The following DAG1 variants were observed in gnomAD, a reference collection of about 807,000 sequenced individuals.
DAG1 encodes dystroglycan 1 (dystrophin-associated glycoprotein 1).
In DAG1, 8 loss-of-function variants were observed where a neutral mutation model predicts 46.1. That is an observed-to-expected ratio of 0.17 (90% CI 0.10 to 0.31). The LOEUF is 0.31. DAG1 is among the 10% of genes least tolerant of loss of function. The pLI, the probability that DAG1 is intolerant of heterozygous loss-of-function variation, is 1.00. For synonymous variants in DAG1, 495 were observed against 481.8 expected (o/e 1.03, Z -0.36); for missense variants, 1,003 against 1,189.9 (o/e 0.84, Z 2.31).
chr3:49,513,767 T>G lies in DAG1; in HGVS notation c.285+2948T>G, dbSNP rs866534792. Among the ~76,000 whole-genome samples, 111 of 152,342 alleles carry G rather than the reference T, an allele frequency of 7.3e-4. 1 individual carries two copies. Among genetic ancestry groups the G allele is most frequent in the Middle Eastern group, 3.4e-3 (1 of 294 alleles). ...GTTTGCAGAGTGTTTGCATAAAGTT[T>G]CCTTGTCATCTTTGTAATATCCCAG... On this transcript the variant is annotated intron_variant, in intron 2 of 2. Coordinates refer to ENST00000308775, the MANE Select transcript of DAG1 (RefSeq NM_004393.6).
Position 49,532,311 on chromosome 3 carries a change from A to C in DAG1, c.1800A>C (p.Gln600His), listed in dbSNP as rs755173858. ...AGATCCACGTCCACAGGCGCCCCCA[A>C]GGGGATAGGGCTCCTGCAAGGTTCA... is the stretch of plus-strand genomic sequence containing the variant. The part of the protein sequence containing the change: ...AFEIHVHRRP[Q>H]GDRAPARFKA... The change falls in exon 3 of 3, where the codon CAA becomes CAC. Residue 600 changes from glutamine to histidine, a missense_variant. Transcript: ENST00000308775. This position sits in a 1 kb window ranked among gnomAD's most constrained non-coding sequence, Gnocchi z 5.4. 5 of 1,614,040 alleles carry C rather than the reference A, an allele frequency of 3.1e-6. No individual in the cohort carries two copies. Among genetic ancestry groups the C allele is most frequent in the Non-Finnish European group, 4.2e-6 (5 of 1,180,034 alleles).
intron 1 of DAG1, among the ~76,000 whole-genome samples, chr3:49,489,524 G>T (rs1476206142): frequency 3.3e-5 from 5 of 152,248 alleles, no homozygotes; most frequent in Non-Finnish European, 5.9e-5. Context: ...CCCACATTTT[G>T]CCCTTAGCTC....
chr3:49,496,597 T>A (rs949417574), intron 1 of DAG1, among the ~76,000 whole-genome samples: 1 of 151,972 alleles, frequency 6.6e-6, no homozygotes, highest in Admixed American at 6.6e-5. Context: ...CCTGACCTTG[T>A]GATCCGCCTG....
At chr3:49,525,471 G>A (rs531928789) in intron 2 of DAG1, among the ~76,000 whole-genome samples, 1 of 152,150 alleles carries the variant, frequency 6.6e-6, no homozygotes, top group Admixed American at 6.5e-5. Flanking sequence ...GCCTCAGGAA[G>A]CTTCCAATCA....
At chr3:49,516,422 T>C (rs2050898339) in intron 2 of DAG1, among the ~76,000 whole-genome samples, 1 of 152,244 alleles carries the variant, frequency 6.6e-6, no homozygotes, top group Non-Finnish European at 1.5e-5. Context: ...CACAGTGTAC[T>C]ATGGTCTTGC....
chr3:49,527,477 G>C lies in DAG1; in HGVS notation c.286-3320G>C, dbSNP rs1432101157. Among the ~76,000 whole-genome samples, 3 of 72,834 alleles carry C rather than the reference G, an allele frequency of 4.1e-5. No individual in the cohort carries two copies. In the East Asian group the frequency reaches 7.0e-3, roughly 169 times the overall value. The allele number at this position is 72,834 out of a possible 152,430, so 47.8% of individuals were successfully genotyped here. A position where few individuals can be genotyped will look rare whatever the true frequency, so the allele number is the denominator to read the frequency against. Reference sequence around the variant, plus strand: ...GCGGAGCTTGCAGTGAGCCGAGATAGCGCCACTGCAGTCCGGCCTGGGCGA... The same window carrying C: ...GCGGAGCTTGCAGTGAGCCGAGATACCGCCACTGCAGTCCGGCCTGGGCGA... On this transcript the variant is annotated intron_variant, in intron 2 of 2. Coordinates refer to ENST00000308775, the MANE Select transcript of DAG1 (RefSeq NM_004393.6).
chr3:49,478,499 G>A (rs2049757401), intron 1 of DAG1, among the ~76,000 whole-genome samples: 1 of 146,012 alleles, frequency 6.8e-6, no homozygotes, highest in Admixed American at 6.9e-5. Flanking sequence ...TCGGGAAGCT[G>A]AGGTGGGGGC....
intron 2 of DAG1, among the ~76,000 whole-genome samples, chr3:49,513,331 T>A (rs1180263540): frequency 6.6e-6 from 1 of 152,114 alleles, no homozygotes; most frequent in Admixed American, 6.5e-5. Context: ...ATTTTAAGAT[T>A]AGGTATTTCA....
In DAG1 at chr3:49,533,170, C is replaced by T. The variant is rs148461041; in HGVS notation, c.2659C>T (p.Arg887Trp). The T allele has an allele frequency of 1.1e-5, 17 of 1,613,696 alleles. No homozygotes were observed. The highest frequency in any genetic ancestry group is 9.3e-5 in the African/African-American group (7 of 74,932). Residue 887 changes from arginine (R) to tryptophan (W), a missense_variant, in exon 3 of 3, where the codon CGG becomes TGG. By Grantham distance (101) the Arg-to-Trp change is moderately radical. Coordinates refer to ENST00000308775, the MANE Select transcript of DAG1 (RefSeq NM_004393.6). ...CCGTCCCAAGAACATGACCCCATAC[C>T]GGTCACCTCCTCCCTATGTCCCACC... Reference protein sequence around the residue: ...GSRPKNMTPYRSPPPYVPP With the variant: ...GSRPKNMTPYWSPPPYVPP
At chr3:49,490,476 C>G (rs2050153321) in intron 1 of DAG1, among the ~76,000 whole-genome samples, 1 of 151,708 alleles carries the variant, frequency 6.6e-6, no homozygotes, top group African/African-American at 2.4e-5. Context: ...GCTGTGTTTG[C>G]TCTGTCATTC....
chr3:49,530,143 T>A (rs1202213930), intron 2 of DAG1, among the ~76,000 whole-genome samples: 1 of 152,204 alleles, frequency 6.6e-6, no homozygotes, highest in African/African-American at 2.4e-5. Context: ...CCACAGTTTG[T>A]CTTGAGATTT....
At chr3:49,503,088 T>C (rs1175194367) in intron 1 of DAG1, among the ~76,000 whole-genome samples, 1 of 152,224 alleles carries the variant, frequency 6.6e-6, no homozygotes, top group Non-Finnish European at 1.5e-5. Context: ...GCAGTGAACA[T>C]GCGTATGCCA....
intron 1 of DAG1, among the ~76,000 whole-genome samples, chr3:49,503,232 G>A (rs1333712572): frequency 6.6e-6 from 1 of 152,184 alleles, no homozygotes; most frequent in Non-Finnish European, 1.5e-5. Context: ...TGTTCCCTCA[G>A]TGGTGTCACA....
intron 1 of DAG1, among the ~76,000 whole-genome samples, chr3:49,495,105 T>C (rs2050277782): frequency 1.3e-5 from 2 of 152,106 alleles, no homozygotes; most frequent in Non-Finnish European, 2.9e-5. Context: ...AAGGGAACCA[T>C]TGGCATCCAG....
chr3:49,471,812 GTCTGCT>G (rs1462213281), intron 1 of DAG1, among the ~76,000 whole-genome samples: 2 of 152,180 alleles, frequency 1.3e-5, no homozygotes, highest in African/African-American at 4.8e-5. Context: ...ATGTAAAAGA[GTCTGCT>G]TCTGCCCTTA....
chr3:49,489,177 C>T (rs1234934171), intron 1 of DAG1, among the ~76,000 whole-genome samples: 1 of 151,872 alleles, frequency 6.6e-6, no homozygotes, highest in African/African-American at 2.4e-5. Context: ...CTCACCGCAA[C>T]CTCTGCCTCC....
At chr3:49,472,127 A>G (rs2049537998) in intron 1 of DAG1, among the ~76,000 whole-genome samples, 1 of 152,150 alleles carries the variant, frequency 6.6e-6, no homozygotes, top group Non-Finnish European at 1.5e-5. Flanking sequence ...CCTTTTAATC[A>G]GTAGAGTGGT....
Position 49,522,476 on chromosome 3 carries a change from T to C in DAG1, c.286-8321T>C, listed in dbSNP as rs1025962924. Reference sequence around the variant, plus strand: ...ACCACGCCCGCCCCCCTCCCACCCCTTTTTTTTTTTTTTAAGACTGCATCA... The same window carrying C: ...ACCACGCCCGCCCCCCTCCCACCCCCTTTTTTTTTTTTTAAGACTGCATCA... On this transcript the variant is annotated intron_variant, in intron 2 of 2. Coordinates refer to ENST00000308775, the MANE Select transcript of DAG1 (RefSeq NM_004393.6). Among the ~76,000 whole-genome samples the C allele has an allele frequency of 3.9e-3, 201 of 51,624 alleles. 2 individuals are homozygous for C. The highest frequency in any genetic ancestry group is 0.032 in the South Asian group (49 of 1,544). The allele number at this position is 51,624 out of a possible 152,430, so 33.9% of individuals were successfully genotyped here. A position where few individuals can be genotyped will look rare whatever the true frequency, so the allele number is the denominator to read the frequency against.
rs192870544 is a variant in DAG1, at chr3:49,470,327, C to T, written c.-223C>T. Reference sequence around the variant, plus strand: ...CGGCGCTCGCGCCTCTTAGGCTTGGCGGTGGCGGCGGCGGCAGCTTCGCGC... The same window carrying T: ...CGGCGCTCGCGCCTCTTAGGCTTGGTGGTGGCGGCGGCGGCAGCTTCGCGC... On this transcript the variant is annotated 5_prime_UTR_variant, in exon 1 of 3. Coordinates refer to ENST00000308775, the MANE Select transcript of DAG1 (RefSeq NM_004393.6). The T allele has an allele frequency of 9.4e-3, 1,431 of 152,676 alleles. 28 individuals are homozygous for T. The highest frequency in any genetic ancestry group is 0.031 in the African/African-American group (1,290 of 41,534). 9.5% of individuals were successfully genotyped at this position (152,676 alleles called of 1,614,324 possible).
Sources: gnomAD v4.1 joint callset for allele counts (sites outside exome capture counted in the v4.1 genomes callset) on GRCh38, gnomAD v4.1.1 for gene constraint, Gnocchi (gnomAD v3.1) non-coding constraint, MANE v1.5 for transcripts, NCBI Gene and HGNC (gene_info 2026-07-23, HGNC 2026-07-21) for gene names.